SUPT6H: variants seen among roughly 807,000 people sequenced by gnomAD.
SUPT6H encodes the protein SPT6 homolog, histone chaperone and transcription elongation factor.
A neutral mutation model predicts 222.3 loss-of-function variants in SUPT6H; 11 were observed. The ratio of observed to expected loss-of-function variants is 0.05; its 90% confidence interval spans 0.03 to 0.08. SUPT6H has a LOEUF of 0.08. Among genes scored for constraint, SUPT6H ranks in the 10% least tolerant of loss-of-function variants. The pLI is 1.00. For synonymous variants in SUPT6H, 762 were observed against 801.2 expected (o/e 0.95, Z 0.83); for missense variants, 1,422 against 2,216.0 (o/e 0.64, Z 7.19).
Position 28,687,376 on chromosome 17 carries a change from G to T in SUPT6H, c.2911G>T (p.Val971Phe). ...TATCAACCGAGTCAATGAGGTCGGG[G>T]TCGATGTCAACCGTGCCATTGCCCA... ...EFINRVNEVG[V>F]DVNRAIAHPY... Residue 971 changes from valine (V) to phenylalanine (F), a missense_variant, in exon 23 of 37, where the codon GTC becomes TTC. Physicochemically the swap from Val to Phe is conservative, Grantham distance 50. Transcript: ENST00000314616. 6.2e-7 allele frequency: 1 copy of T among 1,614,160 alleles called. No homozygotes were observed. Among genetic ancestry groups the T allele is most frequent in the Non-Finnish European group, 8.5e-7 (1 of 1,180,040 alleles).
intron 1 of SUPT6H, among the ~76,000 whole-genome samples, chr17:28,670,730 T>C (rs975837353): frequency 3.3e-5 from 5 of 151,904 alleles, no homozygotes; most frequent in Non-Finnish European, 5.9e-5. Context: ...CTACTAAAAA[T>C]GCAAAATTAG....
intron 26 of SUPT6H, 98 bp from the exon 27 acceptor site, chr17:28,690,823 G>T: frequency 7.3e-7 from 1 of 1,367,458 alleles, no homozygotes. Context: ...CTTCAAGGAT[G>T]GGAAGGAAGT....
chr17:28,674,678 CTG>C (rs2030630902), intron 4 of SUPT6H, 65 bp downstream of exon 4: 2 of 1,501,950 alleles, frequency 1.3e-6, no homozygotes, highest in Non-Finnish European at 1.9e-6. Flanking sequence ...ATTTCAATGT[CTG>C]TGGGTGAGGA....
Position 28,690,991 on chromosome 17 carries a change from G to C in SUPT6H, c.3561G>C (p.Ala1187=), listed in dbSNP as rs371686401. The C allele has an allele frequency of 5.9e-5, 96 of 1,614,010 alleles. No homozygotes were observed. The highest frequency in any genetic ancestry group is 6.6e-5 in the Non-Finnish European group (78 of 1,180,042). The change falls in exon 27 of 37, where the codon GCG becomes GCC. Residue 1187 remains alanine (A), a synonymous_variant. Transcript: ENST00000314616. ...RRPQGESYDQ[A]IRNDETGLWQ... ...CCCAGGGTGAGAGCTATGACCAGGC[G>C]ATCCGCAATGATGAGACAGGGCTGT...
rs71135839 is a variant in SUPT6H, at chr17:28,663,828, A to ATTTTTTTTTTT, written c.-32+1493_-32+1503dup. On this transcript the variant is annotated intron_variant, in intron 1 of 36. Transcript: ENST00000314616. Reference sequence around the variant, plus strand: ...ATCTGGCTTCTCTTCTGCCCACTCCATTTTTTTTTTTTTTTTTGTGGAGAC... The same window carrying ATTTTTTTTTTT: ...ATCTGGCTTCTCTTCTGCCCACTCCATTTTTTTTTTTTTTTTTTTTTTTTTTTTGTGGAGAC... Among the ~76,000 whole-genome samples the ATTTTTTTTTTT allele has an allele frequency of 6.2e-3, 237 of 38,390 alleles. 95 individuals carry two copies. The East Asian group carries it at 0.084, about 14-fold the overall frequency. 25.2% of individuals were successfully genotyped at this position (38,390 alleles called of 152,430 possible).
chr17:28,677,871 A>G, intron 8 of SUPT6H, 55 bp downstream of exon 8: 1 of 1,512,716 alleles, frequency 6.6e-7, no homozygotes, highest in Non-Finnish European at 9.2e-7. Flanking sequence ...CTTCATCAAG[A>G]TGGGGAGCTC....
chr17:28,701,127 A>G lies in SUPT6H; in HGVS notation c.4993A>G (p.Lys1665Glu). 1 of 1,606,946 alleles carries G rather than the reference A, an allele frequency of 6.2e-7. No individual in the cohort carries two copies. Among genetic ancestry groups the G allele is most frequent in the Non-Finnish European group, 8.5e-7 (1 of 1,178,382 alleles). The stretch of plus-strand genomic sequence containing the variant: ...CTCCCGGCAACGGCAGCAGCAGCCA[A>G]AGTAAGTATCTGGATGGTGGCACAG... ...SSSRQRQQQPKSNSHAAIDWG... is the reference protein window; with the variant it reads ...SSSRQRQQQPESNSHAAIDWG... The change falls in exon 36 of 37, where the codon AAG becomes GAG. Residue 1665 changes from lysine (K) to glutamate (E), a missense_variant and splice_region_variant. Transcript: ENST00000314616.
At chr17:28,677,936 T>TA (rs1436448866) in intron 8 of SUPT6H, 120 bp downstream of exon 8, 29 of 1,278,136 alleles carry the variant, frequency 2.3e-5, no homozygotes, top group Admixed American at 9.0e-5. Context: ...TGTGTGTATG[T>TA]AGTCCCAACA....
At chr17:28,674,882 TG>T in intron 4 of SUPT6H, 87 bp from the exon 5 acceptor site, 1 of 1,438,960 alleles carries the variant, frequency 6.9e-7, no homozygotes, top group Non-Finnish European at 9.5e-7. Context: ...AGAGTAATTG[TG>T]GTGGGAAGAA....
At chr17:28,700,039 A>G in intron 33 of SUPT6H, 134 bp from the exon 34 acceptor site, 1 of 1,423,342 alleles carries the variant, frequency 7.0e-7, no homozygotes, top group Non-Finnish European at 9.8e-7. Context: ...CAGCACCAGG[A>G]AGGTTCTCCA....
At chr17:28,682,519 G>A (rs2031168478) in intron 13 of SUPT6H, among the ~76,000 whole-genome samples, 1 of 152,132 alleles carries the variant, frequency 6.6e-6, no homozygotes, top group South Asian at 2.1e-4. Flanking sequence ...ACTCGGGAAA[G>A]CTGAAGTGGG....
chr17:28,684,972 AGGACGAGGATACTAAGTGTACATCT>A lies in SUPT6H; in HGVS notation c.2487+15_2487+39del, dbSNP rs769297211. Reference sequence around the variant, plus strand: ...GAGCGGGAAAAGAAGGCAAGTGGCTAGGACGAGGATACTAAGTGTACATCTGGAGTATGTCTTATGATTCAGTGGA... The same window carrying A: ...GAGCGGGAAAAGAAGGCAAGTGGCTAGGAGTATGTCTTATGATTCAGTGGA... On this transcript the variant is annotated intron_variant, in intron 19 of 36. Coordinates refer to ENST00000314616, the MANE Select transcript of SUPT6H (RefSeq NM_003170.5). The A allele has an allele frequency of 1.2e-6, 2 of 1,610,090 alleles. No homozygotes were observed. The highest frequency in any genetic ancestry group is 1.7e-5 in the Admixed American group (1 of 59,780).
intron 12 of SUPT6H, 41 bp from the exon 13 acceptor site, chr17:28,681,841 T>A (rs1342298957): frequency 1.1e-5 from 17 of 1,553,880 alleles, no homozygotes; most frequent in Non-Finnish European, 1.5e-5. Context: ...TGGGAGTGAT[T>A]GGAAACTAGA....
At chr17:28,689,213 T>G in intron 24 of SUPT6H, 141 bp from the exon 25 acceptor site, 1 of 706,586 alleles carries the variant, frequency 1.4e-6, no homozygotes, top group South Asian at 1.9e-5. Context: ...TAGATCTACC[T>G]CATTCTTGTT....
intron 9 of SUPT6H, 81 bp downstream of exon 9, chr17:28,678,273 G>A: frequency 7.8e-7 from 1 of 1,286,050 alleles, no homozygotes; most frequent in Non-Finnish European, 1.1e-6. Context: ...TAAATGAGGT[G>A]GGAGCCCCCT....
Position 28,678,088 on chromosome 17 carries a change from T to C in SUPT6H, c.1012T>C (p.Tyr338His), listed in dbSNP as rs1313624171. 1 of 1,613,442 alleles carries C rather than the reference T, an allele frequency of 6.2e-7. No individual in the cohort carries two copies. Among genetic ancestry groups the C allele is most frequent in the Non-Finnish European group, 8.5e-7 (1 of 1,179,810 alleles). Residue 338 changes from tyrosine to histidine, a missense_variant, in exon 9 of 37, where the codon TAC becomes CAC. Physicochemically the swap from Tyr to His is moderately conservative, Grantham distance 83. This residue lies in a region of SUPT6H where 389 missense variants were observed against 544.6 expected (regional missense o/e 0.71). Coordinates refer to ENST00000314616, the MANE Select transcript of SUPT6H (RefSeq NM_003170.5). Reference protein sequence around the residue: ...PTISLQESCDYLDRGQPASSF... With the variant: ...PTISLQESCDHLDRGQPASSF... ...TTTCCTACTGTAGGAAAGCTGTGAT[T>C]ACCTAGACCGAGGGCAGCCAGCCAG...
chr17:28,663,828 A>ATTTTTTTTTTTTTTTTCTTTT (rs2072114665), intron 1 of SUPT6H, among the ~76,000 whole-genome samples: 1 of 38,374 alleles, frequency 2.6e-5, no homozygotes, highest in Non-Finnish European at 4.7e-5. Context: ...TGCCCACTCC[A>ATTTTTTTTTTTTTTTTCTTTT]TTTTTTTTTT....
At chr17:28,678,732 TC>T in intron 10 of SUPT6H, 88 bp from the exon 11 acceptor site, 2 of 1,610,146 alleles carry the variant, frequency 1.2e-6, no homozygotes, top group Non-Finnish European at 1.7e-6. Context: ...TGTCTAGTCC[TC>T]CCCCACTAGG....
chr17:28,669,929 C>G (rs1597686522), intron 1 of SUPT6H: 1 of 152,390 alleles, frequency 6.6e-6, no homozygotes, highest in Non-Finnish European at 1.5e-5. Flanking sequence ...GAGTAAGACT[C>G]TGTCTCAAAA....
Sources: allele counts gnomAD v4.1 joint callset (sites outside exome capture counted in the v4.1 genomes callset), GRCh38; gene constraint gnomAD v4.1.1; regional missense constraint gnomAD v4.1.1; transcripts MANE v1.5; gene names NCBI Gene and HGNC (gene_info 2026-07-23, HGNC 2026-07-21).